The following DLG1 variants were observed in gnomAD, a reference collection of about 807,000 sequenced individuals.
DLG1 encodes disks large homolog 1.
DLG1 carries 42 observed loss-of-function variants against 123.4 expected under a neutral mutation model. The ratio of observed to expected loss-of-function variants is 0.34; its 90% CI spans 0.27 to 0.44. The LOEUF (loss-of-function observed/expected upper bound fraction) is 0.44. DLG1 is among the 20% of genes least tolerant of loss of function. The pLI is 1.00. For synonymous variants in DLG1, 317 were observed against 356.2 expected, an observed-to-expected ratio of 0.89 and a Z score of 1.24; for missense variants, 942 against 1,082.6, an observed-to-expected ratio of 0.87 and a Z score of 1.82.
In DLG1 at chr3:197,140,151, A is replaced by G. The variant is rs1251965128; in HGVS notation, c.702T>C (p.Asp234=). 5 of 1,613,344 alleles carry G rather than the reference A, an allele frequency of 3.1e-6. No homozygotes were observed. Among genetic ancestry groups the G allele is most frequent in the Non-Finnish European group, 3.4e-6 (4 of 1,179,630 alleles). ...AGCGCAAAACATACCGCAATCTTCC[A>G]TCTTGGGCGGCTGCTCCCCCTGTGA... The part of the protein sequence containing the change: ...KIITGGAAAQ[D]GRLRVNDCIL... Residue 234 remains aspartate, a synonymous_variant, in exon 8 of 25, where the codon GAT becomes GAC. Transcript: ENST00000667157.
intron 4 of DLG1, among the ~76,000 whole-genome samples, chr3:197,217,296 T>A (rs1180801871): frequency 6.6e-6 from 1 of 152,228 alleles, no homozygotes; most frequent in African/African-American, 2.4e-5. Context: ...AATGGACTGA[T>A]CATTCTAATT....
At chr3:197,277,358 T>G (rs1309912279) in intron 4 of DLG1, among the ~76,000 whole-genome samples, 1 of 149,452 alleles carries the variant, frequency 6.7e-6, no homozygotes, top group Non-Finnish European at 1.5e-5. Context: ...CCAGAGGGAG[T>G]CTCACCCTGT....
At chr3:197,288,740 AAAAATAC>A (rs1024931186) in intron 3 of DLG1, among the ~76,000 whole-genome samples, 1 of 122,778 alleles carries the variant, frequency 8.1e-6, no homozygotes, top group Non-Finnish European at 1.7e-5. Context: ...AAAAAAAAAA[AAAAATAC>A]ATACATACAT....
chr3:197,119,380 T>C (rs1775054176), intron 12 of DLG1, 30 bp downstream of exon 12: 2 of 1,546,942 alleles, frequency 1.3e-6, no homozygotes, highest in Non-Finnish European at 1.8e-6. Context: ...GTTGATTTTA[T>C]GTAAGAAGGA....
intron 6 of DLG1, among the ~76,000 whole-genome samples, chr3:197,144,658 G>A (rs548519600): frequency 1.3e-5 from 2 of 151,986 alleles, no homozygotes; most frequent in African/African-American, 2.4e-5. Context: ...TCTAATATAG[G>A]GACCAGGAGT....
intron 1 of DLG1, chr3:197,298,024 C>A: frequency 1.3e-6 from 1 of 746,112 alleles, no homozygotes; most frequent in Non-Finnish European, 1.6e-6. Flanking sequence ...CGCGGCCCCC[C>A]GGCCCGCTCG....
chr3:197,131,835 C>T (rs908565559), intron 10 of DLG1, among the ~76,000 whole-genome samples: 2 of 151,700 alleles, frequency 1.3e-5, no homozygotes, highest in Non-Finnish European at 2.9e-5. Flanking sequence ...CCTCGTGATC[C>T]GCCCGCCTCG....
At position 197,060,284 on chromosome 3, in the gene DLG1, G is replaced by A. The variant is rs917362587; in HGVS notation, c.2374-286C>T. ...ATTTCTCAAAATGGTGAAAAATAGA[G>A]CTCCCCCGCCGTTCCCTTTTTTTAA... On this transcript the variant is annotated intron_variant, in intron 22 of 24. Coordinates refer to ENST00000667157, the MANE Select transcript of DLG1 (RefSeq NM_001366207.1). Among the ~76,000 whole-genome samples the A allele has an allele frequency of 2.6e-5, 4 of 152,148 alleles. No individual in the cohort carries two copies. In the East Asian group the frequency reaches 5.8e-4, roughly 22 times the overall value.
intron 13 of DLG1, among the ~76,000 whole-genome samples, chr3:197,111,413 T>G (rs1191353675): frequency 2.0e-5 from 3 of 152,208 alleles, no homozygotes; most frequent in Non-Finnish European, 2.9e-5. Context: ...GAAAATTTAT[T>G]TGGACACAAA....
intron 4 of DLG1, 32 bp downstream of exon 4, chr3:197,282,647 A>T (rs541693274): frequency 7.0e-7 from 1 of 1,435,550 alleles, no homozygotes; most frequent in Admixed American, 2.6e-5. Context: ...TGATCACCAA[A>T]AAACAGCTTC....
chr3:197,194,332 C>G (rs1429511970), intron 5 of DLG1, 93 bp downstream of exon 5: 1 of 846,406 alleles, frequency 1.2e-6, no homozygotes. Flanking sequence ...TAGGGCGAAC[C>G]TACATGAAAG....
At chr3:197,235,484 T>C (rs1338743678) in intron 4 of DLG1, among the ~76,000 whole-genome samples, 16 of 152,238 alleles carry the variant, frequency 1.1e-4, no homozygotes, top group South Asian at 2.1e-4. Flanking sequence ...TGTTCAAACT[T>C]ATACAGAGCA....
intron 5 of DLG1, among the ~76,000 whole-genome samples, chr3:197,171,671 T>C (rs1804269713): frequency 6.6e-6 from 1 of 152,118 alleles, no homozygotes; most frequent in Non-Finnish European, 1.5e-5. Context: ...ATCCCTCCAT[T>C]ATGAAAAGAC....
At chr3:197,083,794 C>CAA in intron 16 of DLG1, among the ~76,000 whole-genome samples, 1 of 149,426 alleles carries the variant, frequency 6.7e-6, no homozygotes, top group African/African-American at 2.5e-5. Context: ...CCCATCTCCA[C>CAA]AAACAAAAAC....
intron 4 of DLG1, among the ~76,000 whole-genome samples, chr3:197,214,189 A>T (rs574994906): frequency 4.0e-5 from 6 of 151,432 alleles, no homozygotes; most frequent in African/African-American, 1.2e-4. Context: ...GGCATAACTT[A>T]AAAAAAAATA....
intron 13 of DLG1, among the ~76,000 whole-genome samples, chr3:197,112,046 C>G (rs935107136): frequency 2.0e-5 from 3 of 152,162 alleles, no homozygotes; most frequent in African/African-American, 7.2e-5. Context: ...TGTTTAACTT[C>G]TTAAAAACCT....
intron 5 of DLG1, among the ~76,000 whole-genome samples, chr3:197,174,241 T>A (rs1014037522): frequency 3.9e-5 from 6 of 152,198 alleles, no homozygotes; most frequent in African/African-American, 1.4e-4. Flanking sequence ...TTAAGACACC[T>A]AAGTTAACTT....
At position 197,142,720 on chromosome 3, in the gene DLG1, T is replaced by C. The variant is rs1788658385; in HGVS notation, c.586A>G (p.Arg196Gly). ...CAGATTAAGATAATAGTTTTTACCC[T>C]TTCAAGTGTGATTTCTTCATATTCA... is the stretch of plus-strand genomic sequence containing the variant. Reference protein sequence around the residue: ...DYEYEEITLERGNSGLGFSIA... With the variant: ...DYEYEEITLEGGNSGLGFSIA... Residue 196 changes from arginine to glycine, a missense_variant and splice_region_variant, in exon 7 of 25, where the codon AGG (arginine) becomes GGG (glycine). Physicochemically the swap from Arg to Gly is moderately radical, Grantham distance 125. Coordinates refer to ENST00000667157, the MANE Select transcript of DLG1 (RefSeq NM_001366207.1). 1 of 1,605,122 alleles carries C rather than the reference T, an allele frequency of 6.2e-7. No homozygotes were observed. Among genetic ancestry groups the C allele is most frequent in the Non-Finnish European group, 8.5e-7 (1 of 1,175,650 alleles).
chr3:197,246,196 T>C (rs1751668517), intron 4 of DLG1, among the ~76,000 whole-genome samples: 1 of 152,292 alleles, frequency 6.6e-6, no homozygotes, highest in South Asian at 2.1e-4. Flanking sequence ...GAATACCCAT[T>C]ATGTTTTTTT....
Sources: gnomAD v4.1 joint callset for allele counts (sites outside exome capture counted in the v4.1 genomes callset) on GRCh38, gnomAD v4.1.1 for gene constraint, MANE v1.5 for transcripts, NCBI Gene and HGNC (gene_info 2026-07-23, HGNC 2026-07-21) for gene names.